The following NAALAD2 variants were observed in gnomAD, a reference collection of about 807,000 sequenced individuals.
The protein encoded by NAALAD2 is N-acetylated alpha-linked acidic dipeptidase 2.
Under a neutral mutation model 95.6 loss-of-function variants are expected in NAALAD2, and 89 were observed. The observed-to-expected ratio is 0.93, with a 90% CI of 0.78 to 1.11. The LOEUF is 1.11. Among genes scored for constraint, NAALAD2 ranks in the 50% least tolerant of loss-of-function variants. The probability of loss-of-function intolerance (pLI) is 0.00; values close to 1 mark genes in which losing one functional copy is unlikely to be tolerated. For missense variants in NAALAD2, 894 were observed against 872.4 expected (o/e 1.02, Z -0.31); for synonymous variants, 264 against 294.4 (o/e 0.90, Z 1.06).
chr11:90,188,158 C>T (rs1005703810), intron 18 of NAALAD2, among the ~76,000 whole-genome samples: 1 of 152,166 alleles, frequency 6.6e-6, no homozygotes, highest in Admixed American at 6.6e-5. Context: ...TAGACTCAGT[C>T]TGTTGACAAC....
chr11:90,149,608 A>AT (rs966533958), intron 4 of NAALAD2, among the ~76,000 whole-genome samples: 18 of 149,916 alleles, frequency 1.2e-4, no homozygotes, highest in Admixed American at 3.3e-4. Flanking sequence ...CTAATTTTGT[A>AT]TTTTTTTTTA....
chr11:90,135,426 T>G (rs7129238), intron 1 of NAALAD2, 133 bp from the exon 2 acceptor site: 187,310 of 472,436 alleles, frequency 0.4, 39,332 homozygotes, highest in African/African-American at 0.61. Flanking sequence ...ACATTATTTT[T>G]TAAAGCTCAC....
At chr11:90,173,958 T>C (rs1344544851) in intron 14 of NAALAD2, 43 bp downstream of exon 14, 12 of 1,240,614 alleles carry the variant, frequency 9.7e-6, no homozygotes, top group Non-Finnish European at 1.4e-5. Flanking sequence ...GGATAAGTTA[T>C]GAATTCCCCT....
intron 15 of NAALAD2, 93 bp downstream of exon 15, chr11:90,176,155 G>A: frequency 1.1e-6 from 1 of 915,582 alleles, no homozygotes; most frequent in South Asian, 1.5e-5. Flanking sequence ...GACACCTGGT[G>A]GATGTGGCCT....
At chr11:90,144,239 T>A (rs1264437190) in intron 2 of NAALAD2, among the ~76,000 whole-genome samples, 1 of 152,198 alleles carries the variant, frequency 6.6e-6, no homozygotes, top group Non-Finnish European at 1.5e-5. Flanking sequence ...TAGATGACAG[T>A]ACATACCTAG....
At chr11:90,155,303 ATG>A (rs1168112252) in intron 6 of NAALAD2, among the ~76,000 whole-genome samples, 1 of 101,916 alleles carries the variant, frequency 9.8e-6, no homozygotes, top group Non-Finnish European at 1.9e-5. Flanking sequence ...TGTATATATA[ATG>A]TATATATTAT....
At chr11:90,150,673 C>A in intron 5 of NAALAD2, 66 bp downstream of exon 5, 11 of 1,307,874 alleles carry the variant, frequency 8.4e-6, no homozygotes, top group Non-Finnish European at 1.1e-5. Flanking sequence ...TGTAAATGAC[C>A]AACTTGCTTC....
At chr11:90,177,634 G>C (rs1462446512) in intron 15 of NAALAD2, among the ~76,000 whole-genome samples, 1 of 28,958 alleles carries the variant, frequency 3.5e-5, no homozygotes, top group Non-Finnish European at 6.5e-5. Flanking sequence ...TGTATTTTTA[G>C]TAGAGACAGG....
At position 90,144,757 on chromosome 11, in the gene NAALAD2, G is replaced by GAAAAAAAAAAAAAAAAA. The variant is rs1302696048; in HGVS notation, c.195-2573_195-2572insAAAAAAAAAAAAAAAAA. 1.3e-4 allele frequency among the ~76,000 whole-genome samples: 17 copies of GAAAAAAAAAAAAAAAAA among 129,494 alleles called. 1 individual carries two copies. Among genetic ancestry groups the GAAAAAAAAAAAAAAAAA allele is most frequent in the Admixed American group, 3.5e-4 (4 of 11,558 alleles). The allele number at this position is 129,494 out of a possible 152,430, so 85.0% of individuals were successfully genotyped here. On this transcript the variant is annotated intron_variant, in intron 2 of 18. Coordinates refer to ENST00000534061, the MANE Select transcript of NAALAD2 (RefSeq NM_005467.4). ...AACTCCATTAAAAAAAAAAAAAAAC[G>GAAAAAAAAAAAAAAAAA]GAAAAGAAAGACAAGGAGGTCAAGG...
At position 90,150,493 on chromosome 11, in the gene NAALAD2, A is replaced by G. The variant is rs146999309; in HGVS notation, c.495A>G (p.Val165=). The change falls in exon 5 of 19, where the codon GTA becomes GTG. Residue 165 remains valine (V), a synonymous_variant. Transcript: ENST00000534061. ...SAQGMPEGDL[V]YVNYARTEDF... is the part of the protein sequence containing the mutation. ...TCTTTTCCCTATAGGGAGATCTTGT[A>G]TATGTGAACTATGCTCGCACTGAAG... 5 of 1,604,356 alleles carry G rather than the reference A, an allele frequency of 3.1e-6. No homozygotes were observed. In the East Asian group the frequency reaches 1.1e-4, roughly 36 times the overall value.
chr11:90,148,155 G>C (rs1951795006), intron 3 of NAALAD2, among the ~76,000 whole-genome samples: 1 of 152,098 alleles, frequency 6.6e-6, no homozygotes, highest in Non-Finnish European at 1.5e-5. Context: ...TGGCTAGAGG[G>C]GCATTTTAGA....
chr11:90,143,503 T>C (rs1951672740), intron 2 of NAALAD2, among the ~76,000 whole-genome samples: 1 of 152,162 alleles, frequency 6.6e-6, no homozygotes, highest in South Asian at 2.1e-4. Flanking sequence ...TCAGCAGTTT[T>C]ACTATGTGTC....
In NAALAD2 at chr11:90,176,050, C is replaced by G. The variant is rs746616722; in HGVS notation, c.1581C>G (p.Tyr527Ter). ...RLGIASGRAR[Y>*]TKNKKTDKYS... is the part of the protein sequence containing the mutation. The stretch of plus-strand genomic sequence containing the variant: ...GAATTGCTTCAGGCAGAGCCCGTTA[C>G]ACTAAGAATAAGGTAAGCCATTTTA... Residue 527 changes from tyrosine to a stop codon, truncating the protein, a stop_gained, in exon 15 of 19, where the codon TAC becomes TAG. Coordinates refer to ENST00000534061, the MANE Select transcript of NAALAD2 (RefSeq NM_005467.4). LOFTEE classifies it high-confidence loss of function. The G allele has an allele frequency of 3.1e-6, 5 of 1,612,706 alleles. No individual in the cohort carries two copies. In the Admixed American group the frequency reaches 5.0e-5, roughly 16 times the overall value.
chr11:90,186,810 G>A (rs1857157282), intron 18 of NAALAD2, among the ~76,000 whole-genome samples: 1 of 143,946 alleles, frequency 6.9e-6, no homozygotes, highest in South Asian at 2.4e-4. Context: ...GGCAACAAAA[G>A]ACAAAATTGA....
chr11:90,187,653 C>T (rs955839335), intron 18 of NAALAD2, among the ~76,000 whole-genome samples: 2 of 152,140 alleles, frequency 1.3e-5, no homozygotes, highest in Admixed American at 1.3e-4. Context: ...CAATGTATAT[C>T]AGGTTAAAAA....
At chr11:90,137,159 T>C (rs1020452154) in intron 2 of NAALAD2, among the ~76,000 whole-genome samples, 4 of 149,566 alleles carry the variant, frequency 2.7e-5, no homozygotes, top group African/African-American at 4.9e-5. Context: ...TAAAAAAAAA[T>C]TGATCTCATG....
chr11:90,166,564 G>A (rs776698871), intron 11 of NAALAD2, among the ~76,000 whole-genome samples: 3 of 152,184 alleles, frequency 2.0e-5, no homozygotes, highest in African/African-American at 4.8e-5. Flanking sequence ...GGCTGGGCGC[G>A]GTGGCTCACG....
intron 6 of NAALAD2, among the ~76,000 whole-genome samples, chr11:90,155,150 ATG>A (rs1299492493): frequency 3.1e-5 from 4 of 130,022 alleles, no homozygotes; most frequent in Non-Finnish European, 4.6e-5. Flanking sequence ...ATATGTATAT[ATG>A]TGTGTATATA....
intron 13 of NAALAD2, among the ~76,000 whole-genome samples, 185 bp downstream of exon 13, chr11:90,170,321 C>T (rs1159681881): frequency 6.6e-6 from 1 of 152,124 alleles, no homozygotes; most frequent in Non-Finnish European, 1.5e-5. Flanking sequence ...ATATTATCAC[C>T]AGCTTCTTTG....
Sources: gnomAD v4.1 joint callset for allele counts (sites outside exome capture counted in the v4.1 genomes callset) on GRCh38, gnomAD v4.1.1 for gene constraint, MANE v1.5 for transcripts, NCBI Gene and HGNC (gene_info 2026-07-23, HGNC 2026-07-21) for gene names.